RBFOX1: variants seen among roughly 807,000 people sequenced by gnomAD.
RBFOX1 encodes RNA binding fox-1 homolog 1.
A neutral mutation model predicts 57.7 loss-of-function variants in RBFOX1; 8 were observed. The ratio of observed to expected loss-of-function variants is 0.14; its 90% confidence interval spans 0.08 to 0.25. The LOEUF (loss-of-function observed/expected upper bound fraction) is 0.25, where lower values mean the gene tolerates loss of function less well. Among genes scored for constraint, RBFOX1 ranks in the 10% least tolerant of loss-of-function variants. RBFOX1 has a pLI of 1.00. For synonymous variants in RBFOX1, 326 were observed against 222.4 expected, an observed-to-expected ratio of 1.47 and a Z score of -4.15; for missense variants, 611 against 548.5, an observed-to-expected ratio of 1.11 and a Z score of -1.14.
chr16:5,463,688 T>C (rs1311859436), intron 1 of RBFOX1, among the ~76,000 whole-genome samples: 1 of 151,422 alleles, frequency 6.6e-6, no homozygotes, highest in African/African-American at 2.4e-5. Context: ...TAATCCCAGC[T>C]ACTCGGGAGG....
intron 3 of RBFOX1, among the ~76,000 whole-genome samples, chr16:5,809,740 G>C (rs1431863738): frequency 3.3e-5 from 5 of 152,190 alleles, no homozygotes; most frequent in African/African-American, 9.7e-5. Context: ...CAGTAAACTA[G>C]TTCAACCATT....
In RBFOX1 at chr16:6,377,114, A is replaced by C. The variant is rs2091276412; in HGVS notation, c.-64+60057A>C. Among the ~76,000 whole-genome samples the C allele has an allele frequency of 2.6e-5, 4 of 151,778 alleles. No homozygotes were observed. In the South Asian group the frequency reaches 8.4e-4, roughly 32 times the overall value. Reference sequence around the variant, plus strand: ...ATGGAAAAATTCCATCCCTACAAAAAAAAATTAAAAATTAGCTGAGCACGG... The same window carrying C: ...ATGGAAAAATTCCATCCCTACAAAACAAAATTAAAAATTAGCTGAGCACGG... On this transcript the variant is annotated intron_variant, in intron 2 of 15. Transcript: ENST00000550418.
intron 2 of RBFOX1, among the ~76,000 whole-genome samples, chr16:5,509,655 G>A (rs4480806): frequency 0.43 from 65,710 of 152,016 alleles, 15,419 homozygotes; most frequent in African/African-American, 0.63. Flanking sequence ...GTATCACCAC[G>A]CAGACAGTGG....
chr16:6,426,512 T>C (rs899548311), intron 2 of RBFOX1, among the ~76,000 whole-genome samples: 1 of 151,958 alleles, frequency 6.6e-6, no homozygotes, highest in Non-Finnish European at 1.5e-5. Context: ...ACACCTGTCG[T>C]CCCAGCTACC....
At chr16:7,651,329 A>G (rs889252367) in intron 11 of RBFOX1, among the ~76,000 whole-genome samples, 1 of 152,118 alleles carries the variant, frequency 6.6e-6, no homozygotes, top group Non-Finnish European at 1.5e-5. Context: ...TGCTGTGGCA[A>G]ACCCCACCCG....
At chr16:6,243,142 G>A in intron 1 of RBFOX1, among the ~76,000 whole-genome samples, 1 of 151,160 alleles carries the variant, frequency 6.6e-6, no homozygotes, top group South Asian at 2.1e-4. Flanking sequence ...TTATACGTGT[G>A]TCTGTGTGTG....
chr16:7,559,031 G>A (rs932953119), intron 5 of RBFOX1, among the ~76,000 whole-genome samples: 5 of 152,126 alleles, frequency 3.3e-5, no homozygotes, highest in African/African-American at 9.6e-5. Context: ...AAGAGTGCCT[G>A]GTCTCTGTTA....
At chr16:7,216,523 A>T (rs1158213914) in intron 4 of RBFOX1, among the ~76,000 whole-genome samples, 1 of 152,140 alleles carries the variant, frequency 6.6e-6, no homozygotes, top group African/African-American at 2.4e-5. Flanking sequence ...TTCATGGGTT[A>T]TTGTAAAACT....
At chr16:5,453,578 C>T (rs138446121) in intron 1 of RBFOX1, among the ~76,000 whole-genome samples, 56 of 152,110 alleles carry the variant, frequency 3.7e-4, no homozygotes, top group Non-Finnish European at 1.2e-4. Flanking sequence ...AAGCTACATG[C>T]ATCATAGGAG....
At chr16:5,317,347 A>G (rs1654964979) in intron 1 of RBFOX1, among the ~76,000 whole-genome samples, 1 of 152,180 alleles carries the variant, frequency 6.6e-6, no homozygotes. Flanking sequence ...AGTGGCTAAT[A>G]TCTGTAATCC....
intron 3 of RBFOX1, among the ~76,000 whole-genome samples, chr16:6,851,983 TG>T (rs1036200589): frequency 6.0e-5 from 9 of 151,160 alleles, no homozygotes; most frequent in Non-Finnish European, 1.2e-4. Flanking sequence ...TGGAGTCCAG[TG>T]GTGTGATCTC....
At chr16:6,469,874 T>C (rs2095135288) in intron 2 of RBFOX1, among the ~76,000 whole-genome samples, 2 of 152,166 alleles carry the variant, frequency 1.3e-5, no homozygotes, top group Non-Finnish European at 2.9e-5. Context: ...GGCAGTAGAT[T>C]TGAACCTTAC....
intron 1 of RBFOX1, among the ~76,000 whole-genome samples, chr16:6,156,566 G>A (rs1220262540): frequency 1.3e-5 from 2 of 152,166 alleles, no homozygotes; most frequent in Admixed American, 1.3e-4. Flanking sequence ...GTGGGGAGCT[G>A]TTGAGTCCAA....
intron 3 of RBFOX1, among the ~76,000 whole-genome samples, chr16:6,719,560 C>T (rs1253360104): frequency 6.6e-6 from 1 of 151,668 alleles, no homozygotes; most frequent in Non-Finnish European, 1.5e-5. Context: ...TCTGCCTCAG[C>T]CTCTGGAGTA....
chr16:7,088,648 A>G (rs182940098), intron 4 of RBFOX1, among the ~76,000 whole-genome samples: 31 of 152,330 alleles, frequency 2.0e-4, no homozygotes, highest in Admixed American at 1.1e-3. Flanking sequence ...ATAGTAATCT[A>G]GCATGAATGG....
intron 1 of RBFOX1, among the ~76,000 whole-genome samples, chr16:5,296,637 C>G (rs964945122): frequency 2.6e-5 from 4 of 151,254 alleles, no homozygotes; most frequent in Non-Finnish European, 2.9e-5. Flanking sequence ...TTCTTTTCCC[C>G]TCCTGCTGCT....
chr16:7,018,499 C>G (rs950460870), intron 3 of RBFOX1, among the ~76,000 whole-genome samples: 2 of 152,112 alleles, frequency 1.3e-5, no homozygotes, highest in African/African-American at 4.8e-5. Flanking sequence ...TGGATTGGTT[C>G]CATGTCTTTG....
intron 4 of RBFOX1, among the ~76,000 whole-genome samples, chr16:7,161,906 C>G (rs893080055): frequency 6.6e-6 from 1 of 152,202 alleles, no homozygotes; most frequent in Non-Finnish European, 1.5e-5. Context: ...TTTATTCTCC[C>G]TGGTAAACAC....
chr16:6,595,283 G>C (rs939811201), intron 2 of RBFOX1, among the ~76,000 whole-genome samples: 6 of 152,078 alleles, frequency 3.9e-5, no homozygotes, highest in African/African-American at 7.2e-5. Context: ...ACCTATTCTG[G>C]GTATGTCATG....
Sources: allele counts gnomAD v4.1 joint callset (sites outside exome capture counted in the v4.1 genomes callset), GRCh38; gene constraint gnomAD v4.1.1; transcripts MANE v1.5; gene names NCBI Gene and HGNC (gene_info 2026-07-23, HGNC 2026-07-21).